STAB1: variants seen among roughly 807,000 people sequenced by gnomAD.
STAB1 encodes the protein stabilin 1, also known as stabilin-1.
Under a neutral mutation model 332.4 loss-of-function variants are expected in STAB1, and 250 were observed. The observed-to-expected ratio is 0.75, with a 90% CI of 0.68 to 0.84. The LOEUF is 0.84. Ranked by LOEUF, STAB1 falls within the 40% of genes least tolerant of loss-of-function variation. STAB1 has a pLI of 0.00. For missense variants in STAB1, 3,249 were observed against 3,489.7 expected (o/e 0.93, Z 1.74); for synonymous variants, 1,475 against 1,390.4 (o/e 1.06, Z -1.35).
intron 52 of STAB1, 39 bp from the exon 53 acceptor site, chr3:52,520,361 A>G (rs750684948): frequency 3.1e-6 from 5 of 1,612,756 alleles, no homozygotes. Context: ...GCTGGAGTGC[A>G]CCTGCGACCC....
rs1194192446 is a variant in STAB1 at position 52,520,093 on chromosome 3, G to T, written c.5385G>T (p.Leu1795=). The T allele has an allele frequency of 6.2e-7, 1 of 1,610,938 alleles. No homozygotes were observed. Among genetic ancestry groups the T allele is most frequent in the South Asian group, 1.1e-5 (1 of 91,052 alleles). The change falls in exon 51 of 69, where the codon CTG becomes CTT. Residue 1795 remains leucine, a synonymous_variant. Coordinates refer to ENST00000321725, the MANE Select transcript of STAB1 (RefSeq NM_015136.3). ...ACCGTGACAAGCTAGCAGCCATTCT[G>T]CGGGGCCACATGATTCGCAATGTCG... ...EDHRDKLAAI[L]RGHMIRNVEA... is the part of the protein sequence containing the mutation.
intron 18 of STAB1, 140 bp downstream of exon 18, chr3:52,506,990 AC>A: frequency 8.5e-7 from 1 of 1,182,096 alleles, no homozygotes; most frequent in Non-Finnish European, 1.2e-6. Context: ...ACTCCCAAGG[AC>A]CCACCTGTGC....
intron 22 of STAB1, among the ~76,000 whole-genome samples, chr3:52,509,639 G>T (rs1410717638): frequency 2.0e-5 from 3 of 152,250 alleles, no homozygotes; most frequent in Non-Finnish European, 4.4e-5. Context: ...AGAACTTCCT[G>T]ATGGTGGTGT....
chr3:52,517,626 T>C lies in STAB1; in HGVS notation c.4638+2T>C, dbSNP rs1223722391. On this transcript the variant is annotated splice_donor_variant, in intron 44 of 68. Coordinates refer to ENST00000321725, the MANE Select transcript of STAB1 (RefSeq NM_015136.3). LOFTEE classifies it high-confidence loss of function. ...GAGCTCCTGGACCCCTGCTCTAAGGTCAGGACCCTAGTCCTGTCCTCCTTC... is the reference window on the plus strand; with the variant it reads ...GAGCTCCTGGACCCCTGCTCTAAGGCCAGGACCCTAGTCCTGTCCTCCTTC... 1 of 1,612,404 alleles carries C rather than the reference T, an allele frequency of 6.2e-7. No homozygotes were observed. Among genetic ancestry groups the C allele is most frequent in the Middle Eastern group, 1.7e-4 (1 of 6,056 alleles).
chr3:52,508,310 G>C lies in STAB1; in HGVS notation c.2186G>C (p.Cys729Ser), dbSNP rs1285799604. The C allele has an allele frequency of 6.2e-7, 1 of 1,613,868 alleles. No individual in the cohort carries two copies. Among genetic ancestry groups the C allele is most frequent in the Non-Finnish European group, 8.5e-7 (1 of 1,179,884 alleles). Residue 729 changes from cysteine to serine, a missense_variant, in exon 21 of 69, where the codon TGC (cysteine) becomes TCC (serine). Cys to Ser is a moderately radical substitution (Grantham distance 112). Transcript: ENST00000321725. ...TGCAAAGGTTTTTTCGGGCCTGACTGCACGCAGTGTCCTGGGGGCTTCTCC... is the reference window on the plus strand; with the variant it reads ...TGCAAAGGTTTTTTCGGGCCTGACTCCACGCAGTGTCCTGGGGGCTTCTCC... ...GCCKGFFGPD[C>S]TQCPGGFSNP...
chr3:52,519,158 G>C, intron 48 of STAB1, 106 bp from the exon 49 acceptor site: 5 of 1,459,248 alleles, frequency 3.4e-6, no homozygotes, highest in Non-Finnish European at 4.6e-6. Flanking sequence ...AACCGGGACT[G>C]CCTGCACCCT....
In STAB1 at chr3:52,505,862, AC is replaced by A. The variant is rs763030102; in HGVS notation, c.1696-18del. ...CCCCCACAGTTCCTCCAGGAGCCAA[AC>A]CCTCTCTCTCCCCTGCCAGGGTCTC... On this transcript the variant is annotated intron_variant, in intron 15 of 68. Transcript: ENST00000321725. 1.8e-4 allele frequency: 298 copies of A among 1,613,644 alleles called. No homozygotes were observed. The highest frequency in any genetic ancestry group is 2.4e-4 in the Non-Finnish European group (287 of 1,179,982).
Position 52,504,985 on chromosome 3 carries a change from C to T in STAB1, c.1378-18C>T. 6.2e-7 allele frequency: 1 copy of T among 1,613,458 alleles called. No homozygotes were observed. Among genetic ancestry groups the T allele is most frequent in the Non-Finnish European group, 8.5e-7 (1 of 1,179,832 alleles). ...GGCTGGCATATGGGATCTGGCCAGA[C>T]CTCTTGTGTCTCACCAGAAATACTC... On this transcript the variant is annotated intron_variant, in intron 12 of 68. Coordinates refer to ENST00000321725, the MANE Select transcript of STAB1 (RefSeq NM_015136.3).
chr3:52,506,134 G>A (rs774284036), intron 16 of STAB1, 36 bp from the exon 17 acceptor site: 1 of 1,594,670 alleles, frequency 6.3e-7, no homozygotes. Context: ...GGTATGGCCA[G>A]AGCCCAGCCT....
Position 52,523,500 on chromosome 3 carries a change from A to G in STAB1, c.7214A>G (p.Lys2405Arg). The change falls in exon 65 of 69, where the codon AAG (lysine) becomes AGG (arginine). Residue 2405 changes from lysine to arginine, a missense_variant. Lys to Arg is a conservative substitution (Grantham distance 26). Transcript: ENST00000321725. Reference protein sequence around the residue: ...TLLSANASQGKLLPAHSGLSL... With the variant: ...TLLSANASQGRLLPAHSGLSL... ...CTAAGTGCCAACGCCAGCCAGGGGA[A>G]GTTGCTTCCGGCCCACTCAGGCCTC... 6.2e-7 allele frequency: 1 copy of G among 1,612,624 alleles called. No individual in the cohort carries two copies. The highest frequency in any genetic ancestry group is 8.5e-7 in the Non-Finnish European group (1 of 1,179,742).
rs759155883 is a variant in STAB1, at chr3:52,514,756, C to T, written c.3734C>T (p.Ser1245Leu). ...EGPMLEAPGRSLIGLSGVLTV... is the reference protein window; with the variant it reads ...EGPMLEAPGRLLIGLSGVLTV... The stretch of plus-strand genomic sequence containing the variant: ...CCCATGCTGGAGGCCCCTGGCCGCT[C>T]GCTGATTGGTCTGTCGGGGGTCCTG... Residue 1245 changes from serine (S) to leucine (L), a missense_variant, in exon 35 of 69, where the codon TCG (serine) becomes TTG (leucine). Transcript: ENST00000321725. 20 of 1,612,908 alleles carry T rather than the reference C, an allele frequency of 1.2e-5. No individual in the cohort carries two copies. The highest frequency in any genetic ancestry group is 4.4e-5 in the South Asian group (4 of 91,084).
intron 21 of STAB1, chr3:52,508,681 G>C: frequency 2.8e-6 from 1 of 355,498 alleles, no homozygotes; most frequent in South Asian, 2.2e-5. Flanking sequence ...AATTAGCCTG[G>C]TGTTATGGCA....
chr3:52,509,308 G>A lies in STAB1; in HGVS notation c.2334G>A (p.Glu778=). The A allele has an allele frequency of 6.2e-7, 1 of 1,613,334 alleles. No homozygotes were observed. Residue 778 remains glutamate, a synonymous_variant, in exon 22 of 69, where the codon GAG becomes GAA. Coordinates refer to ENST00000321725, the MANE Select transcript of STAB1 (RefSeq NM_015136.3). ...HICSNPNKHG[E]QCQEDCGCVH... is the part of the protein sequence containing the mutation. ...GCTCGAACCCAAACAAGCATGGAGAGCAATGCCAGGAAGGTGGGTGGTCCT... is the reference window on the plus strand; with the variant it reads ...GCTCGAACCCAAACAAGCATGGAGAACAATGCCAGGAAGGTGGGTGGTCCT...
chr3:52,516,610 G>A (rs377085631), intron 40 of STAB1, 23 bp downstream of exon 40: 12 of 1,612,640 alleles, frequency 7.4e-6, no homozygotes, highest in African/African-American at 1.3e-5. Context: ...AGCCTGGGGC[G>A]GGTGGGTGAG....
intron 18 of STAB1, 39 bp from the exon 19 acceptor site, chr3:52,507,574 G>A (rs754968776): frequency 1.3e-6 from 2 of 1,596,874 alleles, no homozygotes; most frequent in Non-Finnish European, 1.7e-6. Context: ...AATAAACAAT[G>A]ACTAACCCCT....
At chr3:52,503,650 A>C (rs1708618999) in intron 8 of STAB1, 110 bp downstream of exon 8, 1 of 1,561,400 alleles carries the variant, frequency 6.4e-7, no homozygotes, top group Admixed American at 1.8e-5. Context: ...CCCACTTGTA[A>C]AGTGGGGAGA....
chr3:52,521,046 C>T (rs911160721), intron 55 of STAB1, 41 bp downstream of exon 55: 5 of 1,489,020 alleles, frequency 3.4e-6, no homozygotes, highest in South Asian at 2.8e-5. Flanking sequence ...CTCTGTTCCC[C>T]AAGAGAGCCA....
At chr3:52,514,914 A>T in intron 35 of STAB1, 75 bp from the exon 36 acceptor site, 1 of 1,612,288 alleles carries the variant, frequency 6.2e-7, no homozygotes, top group South Asian at 1.1e-5. Context: ...GGAGGGGCGC[A>T]TGGTCAGTCT....
At chr3:52,513,494 C>T (rs959667542) in intron 30 of STAB1, among the ~76,000 whole-genome samples, 3 of 152,216 alleles carry the variant, frequency 2.0e-5, no homozygotes, top group African/African-American at 4.8e-5. Context: ...CCTGTCACCA[C>T]GGGCCCTGGG....
Sources: allele counts gnomAD v4.1 joint callset (sites outside exome capture counted in the v4.1 genomes callset), GRCh38; gene constraint gnomAD v4.1.1; transcripts MANE v1.5; gene names NCBI Gene and HGNC (gene_info 2026-07-23, HGNC 2026-07-21).